The following LPAR3 variants were observed in gnomAD, a reference collection of about 807,000 sequenced individuals.
LPAR3 encodes the protein lysophosphatidic acid receptor 3.
LPAR3 carries 7 observed loss-of-function variants against 17.8 expected under a neutral mutation model. The ratio of observed to expected loss-of-function variants is 0.39; its 90% CI spans 0.22 to 0.74. The LOEUF (loss-of-function observed/expected upper bound fraction) is 0.74. Among genes scored for constraint, LPAR3 ranks in the 30% least tolerant of loss-of-function variants. The pLI, the probability that LPAR3 is intolerant of heterozygous loss-of-function variation, is 0.40. For synonymous variants in LPAR3, 179 were observed against 179.9 expected (o/e 0.99, Z 0.04); for missense variants, 391 against 453.4 (o/e 0.86, Z 1.25).
chr1:84,889,659 A>G (rs72718753), intron 1 of LPAR3, among the ~76,000 whole-genome samples: 6,260 of 152,314 alleles, frequency 0.041, 184 homozygotes, highest in Non-Finnish European at 0.062. Flanking sequence ...GAAGTCCAGT[A>G]TGATGTCAGA....
At chr1:84,871,970 TCTCCATAC>T (rs1461767513) in intron 1 of LPAR3, among the ~76,000 whole-genome samples, 1 of 152,186 alleles carries the variant, frequency 6.6e-6, no homozygotes, top group Non-Finnish European at 1.5e-5. Context: ...CCACAGCATT[TCTCCATAC>T]CTCAACTATC....
At chr1:84,852,453 C>T (rs1659737592) in intron 2 of LPAR3, among the ~76,000 whole-genome samples, 1 of 152,092 alleles carries the variant, frequency 6.6e-6, no homozygotes, top group South Asian at 2.1e-4. Context: ...CCAAGACTTC[C>T]AGCTTGGAAG....
intron 2 of LPAR3, among the ~76,000 whole-genome samples, chr1:84,835,361 T>C (rs1659373693): frequency 1.3e-5 from 2 of 152,250 alleles, no homozygotes; most frequent in African/African-American, 4.8e-5. Context: ...TTCTGGTTCA[T>C]AGAAACCCTT....
intron 2 of LPAR3, among the ~76,000 whole-genome samples, chr1:84,823,269 C>T (rs1047537182): frequency 2.0e-5 from 3 of 152,140 alleles, no homozygotes; most frequent in African/African-American, 7.2e-5. Context: ...ATTTGTTTAA[C>T]AATTTAAAAA....
intron 2 of LPAR3, among the ~76,000 whole-genome samples, chr1:84,844,210 A>T (rs763618243): frequency 6.6e-6 from 1 of 152,202 alleles, no homozygotes; most frequent in Non-Finnish European, 1.5e-5. Flanking sequence ...CTAGCTTAAC[A>T]TGTGCTCACT....
intron 2 of LPAR3, among the ~76,000 whole-genome samples, chr1:84,849,063 G>A (rs1659649667): frequency 6.6e-6 from 1 of 152,110 alleles, no homozygotes; most frequent in Non-Finnish European, 1.5e-5. Flanking sequence ...ACCTTCCAAG[G>A]GAAGAGTTAT....
Position 84,866,496 on chromosome 1 carries a change from C to T in LPAR3, c.-18-358G>A, listed in dbSNP as rs1221959884. 2.0e-5 allele frequency among the ~76,000 whole-genome samples: 3 copies of T among 152,168 alleles called. No individual in the cohort carries two copies. The East Asian group carries it at 5.8e-4, about 29-fold the overall frequency. Reference sequence around the variant, plus strand: ...ATGAATGAATGAATTCTCATGGAGGCATCAACAGGGCAAATGTGCTGAGCC... The same window carrying T: ...ATGAATGAATGAATTCTCATGGAGGTATCAACAGGGCAAATGTGCTGAGCC... On this transcript the variant is annotated intron_variant, in intron 1 of 2. Coordinates refer to ENST00000370611, the MANE Select transcript of LPAR3 (RefSeq NM_012152.3).
At chr1:84,889,292 G>C (rs11804110) in intron 1 of LPAR3, among the ~76,000 whole-genome samples, 2 of 152,098 alleles carry the variant, frequency 1.3e-5, no homozygotes, top group African/African-American at 2.4e-5. Flanking sequence ...ATTTGGGGGT[G>C]GGGGAGCAAT....
Position 84,876,657 on chromosome 1 carries a change from G to A in LPAR3, c.-18-10519C>T, listed in dbSNP as rs542080060. Among the ~76,000 whole-genome samples the A allele has an allele frequency of 1.3e-3, 193 of 152,246 alleles. 2 individuals are homozygous for A. Among genetic ancestry groups the A allele is most frequent in the Admixed American group, 2.6e-3 (39 of 15,290 alleles). Reference sequence around the variant, plus strand: ...CTGTAAATGGTATCCCCTCCCCGCCGCTCCGGTTACCAGGTTGACTATATC... The same window carrying A: ...CTGTAAATGGTATCCCCTCCCCGCCACTCCGGTTACCAGGTTGACTATATC... On this transcript the variant is annotated intron_variant, in intron 1 of 2. Coordinates refer to ENST00000370611, the MANE Select transcript of LPAR3 (RefSeq NM_012152.3).
intron 2 of LPAR3, among the ~76,000 whole-genome samples, chr1:84,835,789 T>C (rs1659391282): frequency 1.3e-5 from 2 of 152,174 alleles, no homozygotes; most frequent in African/African-American, 4.8e-5. Context: ...TGTTCAGTTA[T>C]TGATGAATCT....
chr1:84,876,010 A>G (rs926546666), intron 1 of LPAR3, among the ~76,000 whole-genome samples: 6 of 152,226 alleles, frequency 3.9e-5, no homozygotes, highest in Non-Finnish European at 8.8e-5. Context: ...AAGGAAAATA[A>G]TATTTTTAAA....
intron 2 of LPAR3, among the ~76,000 whole-genome samples, chr1:84,859,048 T>C (rs1204935294): frequency 6.6e-6 from 1 of 152,234 alleles, no homozygotes; most frequent in Non-Finnish European, 1.5e-5. Flanking sequence ...TCATTATAGC[T>C]TGAGTATAGG....
At chr1:84,838,393 C>T (rs569046044) in intron 2 of LPAR3, among the ~76,000 whole-genome samples, 61 of 152,266 alleles carry the variant, frequency 4.0e-4, no homozygotes, top group Non-Finnish European at 6.9e-4. Flanking sequence ...CATATATGGG[C>T]TACATGCTTT....
At chr1:84,837,025 ATTT>A (rs397775811) in intron 2 of LPAR3, among the ~76,000 whole-genome samples, 1 of 141,384 alleles carries the variant, frequency 7.1e-6, no homozygotes, top group African/African-American at 2.6e-5. Flanking sequence ...TACTTTATCA[ATTT>A]TTTTTTTTTT....
At chr1:84,826,357 C>T (rs1385517602) in intron 2 of LPAR3, among the ~76,000 whole-genome samples, 4 of 151,796 alleles carry the variant, frequency 2.6e-5, no homozygotes, top group African/African-American at 2.4e-5. Flanking sequence ...TCTGGGAATA[C>T]TATAGGTTTT....
chr1:84,882,645 T>C (rs769013819), intron 1 of LPAR3, among the ~76,000 whole-genome samples: 4 of 152,156 alleles, frequency 2.6e-5, no homozygotes, highest in African/African-American at 2.4e-5. Flanking sequence ...TATAGACCAG[T>C]GGAAAAGACT....
chr1:84,876,059 G>C (rs61768780), intron 1 of LPAR3, among the ~76,000 whole-genome samples: 439 of 152,252 alleles, frequency 2.9e-3, no homozygotes, highest in Non-Finnish European at 4.5e-3. Flanking sequence ...TCTAATCAAG[G>C]CTTCAAAGAT....
At position 84,866,059 on chromosome 1, in the gene LPAR3, G is replaced by C. The variant is rs1486618207; in HGVS notation, c.62C>G (p.Thr21Ser). The stretch of plus-strand genomic sequence containing the variant: ...CTTTGTTCCTGTCCAGTCATCGACA[G>C]TATCAGTGTTGCTCCTATTATAAAA... ...DFFYNRSNTDTVDDWTGTKLV... is the reference protein window; with the variant it reads ...DFFYNRSNTDSVDDWTGTKLV... The change falls in exon 2 of 3, where the codon ACT becomes AGT. Residue 21 changes from threonine to serine, a missense_variant. Thr to Ser is a moderately conservative substitution (Grantham distance 58). Coordinates refer to ENST00000370611, the MANE Select transcript of LPAR3 (RefSeq NM_012152.3). 1 of 1,613,260 alleles carries C rather than the reference G, an allele frequency of 6.2e-7. No individual in the cohort carries two copies. The highest frequency in any genetic ancestry group is 1.1e-5 in the South Asian group (1 of 90,974).
At chr1:84,887,935 C>T (rs185205014) in intron 1 of LPAR3, among the ~76,000 whole-genome samples, 7 of 151,980 alleles carry the variant, frequency 4.6e-5, no homozygotes, top group Admixed American at 3.3e-4. Flanking sequence ...GGATAACTGA[C>T]GAAATAGGAA....
Sources: allele counts gnomAD v4.1 joint callset (sites outside exome capture counted in the v4.1 genomes callset), GRCh38; gene constraint gnomAD v4.1.1; transcripts MANE v1.5; gene names NCBI Gene and HGNC (gene_info 2026-07-23, HGNC 2026-07-21).